The following NUGGC variants were observed in gnomAD, a reference collection of about 807,000 sequenced individuals.
NUGGC encodes the protein nuclear GTPase, germinal center associated.
In NUGGC, 58 loss-of-function variants were observed where a neutral mutation model predicts 92.6. The observed-to-expected ratio is 0.63, with a 90% CI of 0.51 to 0.78. NUGGC has a LOEUF of 0.78. Among genes scored for constraint, NUGGC ranks in the 30% least tolerant of loss-of-function variants. NUGGC has a pLI of 0.00. For missense variants in NUGGC, 925 were observed against 964.6 expected (o/e 0.96, Z 0.54); for synonymous variants, 376 against 366.4 (o/e 1.03, Z -0.30).
At chr8:28,065,127 A>G (rs1018047154) in intron 6 of NUGGC, among the ~76,000 whole-genome samples, 1 of 151,466 alleles carries the variant, frequency 6.6e-6, no homozygotes, top group Non-Finnish European at 1.5e-5. Context: ...TATTTTCCAA[A>G]CTGAAAATTG....
intron 16 of NUGGC, among the ~76,000 whole-genome samples, 181 bp downstream of exon 16, chr8:28,030,129 A>G (rs1037553700): frequency 3.3e-5 from 5 of 152,196 alleles, no homozygotes; most frequent in African/African-American, 1.2e-4. Context: ...AGAGCTGGAA[A>G]ACACACAGAG....
chr8:28,058,286 A>C lies in NUGGC; in HGVS notation c.1098-10T>G, dbSNP rs1052020752. 1 of 521,912 alleles carries C rather than the reference A, an allele frequency of 1.9e-6. No homozygotes were observed. The highest frequency in any genetic ancestry group is 2.0e-5 in the African/African-American group (1 of 50,000). The allele number at this position is 521,912 out of a possible 1,614,324, so 32.3% of individuals were successfully genotyped here. A position where few individuals can be genotyped will look rare whatever the true frequency, so the allele number is the denominator to read the frequency against. On this transcript the variant is annotated splice_polypyrimidine_tract_variant and intron_variant, in intron 8 of 18. Coordinates refer to ENST00000413272, the MANE Select transcript of NUGGC (RefSeq NM_001010906.2). ...TCCTGCCTTTCTTTCCCTGAAATGAAATTAGAAAAATGTAACAATTACTTA... is the reference window on the plus strand; with the variant it reads ...TCCTGCCTTTCTTTCCCTGAAATGACATTAGAAAAATGTAACAATTACTTA...
intron 18 of NUGGC, among the ~76,000 whole-genome samples, chr8:28,024,836 C>T (rs1809216356): frequency 6.6e-6 from 1 of 152,328 alleles, no homozygotes; most frequent in African/African-American, 2.4e-5. Flanking sequence ...TGACGCTTCC[C>T]CGCGTCCCAG....
intron 14 of NUGGC, among the ~76,000 whole-genome samples, chr8:28,032,991 C>T (rs560208597): frequency 3.3e-5 from 5 of 152,044 alleles, no homozygotes; most frequent in African/African-American, 1.2e-4. Context: ...ACTGTCTCTA[C>T]AAAAAATATT....
At chr8:28,047,711 CT>C in intron 10 of NUGGC, 99 bp from the exon 11 acceptor site, 1 of 680,370 alleles carries the variant, frequency 1.5e-6, no homozygotes, top group Non-Finnish European at 2.5e-6. Flanking sequence ...TTTCAGCTCA[CT>C]CATTTTCAGT....
intron 16 of NUGGC, 118 bp from the exon 17 acceptor site, chr8:28,029,520 G>GGGCA: frequency 8.8e-7 from 1 of 1,140,922 alleles, no homozygotes; most frequent in African/African-American, 1.5e-5. Flanking sequence ...AGGCTGAAGT[G>GGGCA]GGCAGATCAG....
rs1809360401 is a variant in NUGGC at position 28,029,545 on chromosome 8, T to C, written c.2018-143A>G. 7.1e-6 allele frequency: 6 copies of C among 844,972 alleles called. No homozygotes were observed. The Admixed American group carries it at 1.1e-4, about 15-fold the overall frequency. 52.3% of individuals were successfully genotyped at this position (844,972 alleles called of 1,614,324 possible). ...GGGCAGATCAGCTGAGGTCAGGAGTTCAAGACCAGCCTGCCCAACATGGTG... is the reference window on the plus strand; with the variant it reads ...GGGCAGATCAGCTGAGGTCAGGAGTCCAAGACCAGCCTGCCCAACATGGTG... On this transcript the variant is annotated intron_variant, in intron 16 of 18. Coordinates refer to ENST00000413272, the MANE Select transcript of NUGGC (RefSeq NM_001010906.2).
rs1408479038 is a variant in NUGGC at position 28,027,024 on chromosome 8, C to T, written c.2183G>A (p.Ser728Asn). 4 of 1,613,438 alleles carry T rather than the reference C, an allele frequency of 2.5e-6. No homozygotes were observed. The highest frequency in any genetic ancestry group is 3.4e-6 in the Non-Finnish European group (4 of 1,179,398). ...KTGIVEKVKG[S>N]ITTMLALASS... Reference sequence around the variant, plus strand: ...AGCAAGGGCCAGCATAGTGGTGATGCTGCCCTTCACCTTCTCCACGATTCC... The same window carrying T: ...AGCAAGGGCCAGCATAGTGGTGATGTTGCCCTTCACCTTCTCCACGATTCC... Residue 728 changes from serine to asparagine, a missense_variant, in exon 18 of 19, where the codon AGC becomes AAC. Transcript: ENST00000413272.
At chr8:28,033,931 A>G (rs1585557581) in intron 13 of NUGGC, among the ~76,000 whole-genome samples, 1 of 152,076 alleles carries the variant, frequency 6.6e-6, no homozygotes, top group South Asian at 2.1e-4. Context: ...TTGGATCACA[A>G]CCCTTCTGAA....
At chr8:28,049,103 G>A (rs1387613000) in intron 10 of NUGGC, among the ~76,000 whole-genome samples, 2 of 152,158 alleles carry the variant, frequency 1.3e-5, no homozygotes, top group Non-Finnish European at 2.9e-5. Context: ...TCTTTCTGAT[G>A]CAAAGATATA....
intron 1 of NUGGC, among the ~76,000 whole-genome samples, chr8:28,079,522 C>G (rs1482687233): frequency 1.3e-5 from 2 of 152,026 alleles, no homozygotes; most frequent in Admixed American, 6.6e-5. Context: ...GGCAACAAAG[C>G]GAGATTTCGT....
chr8:28,023,330 C>T lies in NUGGC; in HGVS notation c.2378G>A (p.Gly793Glu). The change falls in exon 19 of 19, where the codon GGG becomes GAG. Residue 793 changes from glycine to glutamate, a missense_variant. Physicochemically the swap from Gly to Glu is moderately conservative, Grantham distance 98. Transcript: ENST00000413272. ...RASPSKAGPP[G>E]TSL Reference sequence around the variant, plus strand: ...AAGCCCCAGGAGTTACAGTGATGTCCCGGGGGGGCCAGCCTTGCTGGGGGA... The same window carrying T: ...AAGCCCCAGGAGTTACAGTGATGTCTCGGGGGGGCCAGCCTTGCTGGGGGA... The T allele has an allele frequency of 6.2e-7, 1 of 1,613,464 alleles. No individual in the cohort carries two copies. The highest frequency in any genetic ancestry group is 8.5e-7 in the Non-Finnish European group (1 of 1,179,648).
chr8:28,071,213 A>C (rs1354188573), intron 2 of NUGGC, among the ~76,000 whole-genome samples: 1 of 152,140 alleles, frequency 6.6e-6, no homozygotes, highest in Non-Finnish European at 1.5e-5. Context: ...TTCTTCACCA[A>C]ATGCCAAGTC....
chr8:28,063,116 C>T (rs1322738912), intron 7 of NUGGC, among the ~76,000 whole-genome samples: 1 of 152,146 alleles, frequency 6.6e-6, no homozygotes, highest in Non-Finnish European at 1.5e-5. Context: ...GAAGGCAAGA[C>T]TGGCAGCCTG....
intron 12 of NUGGC, among the ~76,000 whole-genome samples, chr8:28,043,848 T>C (rs1468918091): frequency 1.3e-5 from 2 of 152,140 alleles, no homozygotes; most frequent in Non-Finnish European, 2.9e-5. Flanking sequence ...TTTTGGGAAA[T>C]TGGAAGGTCA....
intron 4 of NUGGC, among the ~76,000 whole-genome samples, chr8:28,069,142 G>A (rs1165305423): frequency 3.3e-5 from 5 of 152,100 alleles, no homozygotes; most frequent in Admixed American, 6.6e-5. Context: ...AGCACCACTC[G>A]AGTCCTTCAA....
rs1809871520 is a variant in NUGGC, at chr8:28,047,549, G to A, written c.1270C>T (p.Gln424Ter). 2 of 1,569,698 alleles carry A rather than the reference G, an allele frequency of 1.3e-6. No homozygotes were observed. Among genetic ancestry groups the A allele is most frequent in the African/African-American group, 1.4e-5 (1 of 73,924 alleles). Residue 424 changes from glutamine to a stop codon, truncating the protein, a stop_gained, in exon 11 of 19, where the codon CAG becomes TAG. Coordinates refer to ENST00000413272, the MANE Select transcript of NUGGC (RefSeq NM_001010906.2). LOFTEE classifies it high-confidence loss of function. ...ASDLVYTVSA[Q>*]EYWQQALLTE... is the part of the protein sequence containing the mutation. The stretch of plus-strand genomic sequence containing the variant: ...AGGAGAGCCTGCTGCCAGTACTCCT[G>A]GGCGCTGACTGTATACACCAGATCT...
At chr8:28,026,643 TGG>T (rs1809268079) in intron 18 of NUGGC, among the ~76,000 whole-genome samples, 1 of 152,170 alleles carries the variant, frequency 6.6e-6, no homozygotes, top group Non-Finnish European at 1.5e-5. Context: ...ATCTGCAAAA[TGG>T]AGCAACAACA....
At chr8:28,038,891 A>G (rs1809622248) in intron 13 of NUGGC, among the ~76,000 whole-genome samples, 1 of 152,158 alleles carries the variant, frequency 6.6e-6, no homozygotes, top group Admixed American at 6.5e-5. Context: ...TAAAATAATA[A>G]TAAGGGTGTT....
Sources: allele counts gnomAD v4.1 joint callset (sites outside exome capture counted in the v4.1 genomes callset), GRCh38; gene constraint gnomAD v4.1.1; transcripts MANE v1.5; gene names NCBI Gene and HGNC (gene_info 2026-07-23, HGNC 2026-07-21).